CYB5D1: variants seen among roughly 807,000 people sequenced by gnomAD.
The protein encoded by CYB5D1 is cytochrome b5 domain containing 1, also known as cytochrome b5 domain-containing protein 1.
A neutral mutation model predicts 24.3 loss-of-function variants in CYB5D1; 30 were observed. The ratio of observed to expected loss-of-function variants is 1.23; its 90% CI spans 0.92 to 1.67. CYB5D1 has a LOEUF of 1.67. Ranked by LOEUF, CYB5D1 falls within the 40% of genes most tolerant of loss-of-function variation. The pLI is 0.00. For missense variants in CYB5D1, 265 were observed against 296.7 expected, an observed-to-expected ratio of 0.89 and a Z score of 0.79; for synonymous variants, 128 against 123.2, an observed-to-expected ratio of 1.04 and a Z score of -0.26.
In CYB5D1 at chr17:7,858,740, G is replaced by T. The variant is rs749218063; in HGVS notation, c.372G>T (p.Ser124=). ...TTGGGAAGCCCTGGTGGCAGGGGTC[G>T]TATTATGAGGTGGGGCGGCTGTCTG... The part of the protein sequence containing the change: ...NDFGKPWWQG[S]YYEVGRLSAK... Residue 124 remains serine (S), a synonymous_variant, in exon 3 of 4, where the codon TCG becomes TCT. Transcript: ENST00000332439. 1 of 1,603,544 alleles carries T rather than the reference G, an allele frequency of 6.2e-7. No homozygotes were observed. Among genetic ancestry groups the T allele is most frequent in the Admixed American group, 1.7e-5 (1 of 58,334 alleles).
Position 7,861,039 on chromosome 17 carries a change from GCTAA to G in CYB5D1, c.*1432_*1435del, listed in dbSNP as rs2078879473. 6.6e-6 allele frequency: 1 copy of G among 152,162 alleles called. No individual in the cohort carries two copies. The highest frequency in any genetic ancestry group is 2.1e-4 in the South Asian group (1 of 4,830). The allele number at this position is 152,162 out of a possible 1,614,324, so 9.4% of individuals were successfully genotyped here. ...CGACAGGGGTAATGTAAACAGAGAT[GCTAA>G]CTAAGTCAGAAAACTCTCCTGGTGA... On this transcript the variant is annotated 3_prime_UTR_variant, in exon 4 of 4. Coordinates refer to ENST00000332439, the MANE Select transcript of CYB5D1 (RefSeq NM_144607.6).
intron 3 of CYB5D1, 40 bp from the exon 4 acceptor site, chr17:7,859,342 A>G: frequency 6.5e-7 from 1 of 1,539,400 alleles, no homozygotes. Context: ...TGTATACTCC[A>G]TCCAGAATTC....
rs1263949296 is a variant in CYB5D1, at chr17:7,858,186, C to T, written c.52C>T (p.Arg18Cys). 1 of 1,613,918 alleles carries T rather than the reference C, an allele frequency of 6.2e-7. No homozygotes were observed. The highest frequency in any genetic ancestry group is 1.7e-5 in the Admixed American group (1 of 60,018). Residue 18 changes from arginine to cysteine, a missense_variant, in exon 1 of 4, where the codon CGC becomes TGC. Physicochemically the swap from Arg to Cys is radical, Grantham distance 180. Transcript: ENST00000332439. ...AGPDLEYFQR[R>C]YFTPAEVAQH... is the part of the protein sequence containing the mutation. ...GCCAGACTTGGAGTATTTTCAGCGT[C>T]GCTATTTCACGCCGGCGGAGGTGGC... is the stretch of plus-strand genomic sequence containing the variant.
Position 7,858,707 on chromosome 17 carries a change from C to T in CYB5D1, c.339C>T (p.Ala113=). 1 of 1,610,874 alleles carries T rather than the reference C, an allele frequency of 6.2e-7. No individual in the cohort carries two copies. The highest frequency in any genetic ancestry group is 8.5e-7 in the Non-Finnish European group (1 of 1,178,230). Residue 113 remains alanine, a synonymous_variant, in exon 3 of 4, where the codon GCC becomes GCT. Coordinates refer to ENST00000332439, the MANE Select transcript of CYB5D1 (RefSeq NM_144607.6). ...VPPQLPCSDW[A]NDFGKPWWQG... is the part of the protein sequence containing the mutation. ...CTCAGCTGCCCTGTTCGGACTGGGC[C>T]AACGATTTTGGGAAGCCCTGGTGGC...
At chr17:7,858,320 CCGGAGT>C in intron 1 of CYB5D1, 26 bp downstream of exon 1, 4 of 1,613,826 alleles carry the variant, frequency 2.5e-6, no homozygotes, top group East Asian at 2.2e-5. Flanking sequence ...TGGGCCGGGG[CCGGAGT>C]GTGTGTGTGT....
rs1242677604 is a variant in CYB5D1 at position 7,858,263 on chromosome 17, C to A, written c.129C>A (p.Tyr43Ter). 3 of 1,613,880 alleles carry A rather than the reference C, an allele frequency of 1.9e-6. No individual in the cohort carries two copies. The highest frequency in any genetic ancestry group is 1.1e-5 in the South Asian group (1 of 91,094). Residue 43 changes from tyrosine to a stop codon, truncating the protein, a stop_gained, in exon 1 of 4, where the codon TAC becomes TAA. Coordinates refer to ENST00000332439, the MANE Select transcript of CYB5D1 (RefSeq NM_144607.6). LOFTEE classifies it high-confidence loss of function. ...GGGTATCTTACCTGGGACGCGTGTA[C>A]GACCTAACGTCATTGGCACAGGAAT... ...DLWVSYLGRV[Y>*]DLTSLAQEYK...
At chr17:7,858,882 A>G in intron 3 of CYB5D1, 58 bp downstream of exon 3, 1 of 1,434,654 alleles carries the variant, frequency 7.0e-7, no homozygotes, top group Non-Finnish European at 9.3e-7. Context: ...GCAAATCTCC[A>G]GGCCGATCTT....
In CYB5D1 at chr17:7,858,437, A is replaced by T. The variant is rs1348461822; in HGVS notation, c.195A>T (p.Ala65=). 33 of 1,614,098 alleles carry T rather than the reference A, an allele frequency of 2.0e-5. No individual in the cohort carries two copies. The highest frequency in any genetic ancestry group is 2.7e-5 in the Non-Finnish European group (32 of 1,180,052). The change falls in exon 2 of 4, where the codon GCA becomes GCT. Residue 65 remains alanine, a synonymous_variant. Transcript: ENST00000332439. ...NLLLKPIVEV[A]GQDISHWFDP... The stretch of plus-strand genomic sequence containing the variant: ...TGCTGAAACCCATCGTGGAAGTTGC[A>T]GGCCAGGATATCAGCCACTGGTTTG...
At chr17:7,858,861 G>T in intron 3 of CYB5D1, 37 bp downstream of exon 3, 1 of 1,487,758 alleles carries the variant, frequency 6.7e-7, no homozygotes, top group South Asian at 1.4e-5. Context: ...TAGAAGGAAT[G>T]GGGAATCCCA....
At chr17:7,858,529 G>A in intron 2 of CYB5D1, 50 bp downstream of exon 2, 2 of 1,613,796 alleles carry the variant, frequency 1.2e-6, no homozygotes, top group Non-Finnish European at 1.7e-6. Flanking sequence ...TGGAGAGCGG[G>A]GATGGGAAGG....
intron 1 of CYB5D1, 22 bp downstream of exon 1, chr17:7,858,316 G>A: frequency 6.2e-7 from 1 of 1,613,846 alleles, no homozygotes; most frequent in Non-Finnish European, 8.5e-7. Flanking sequence ...ACGTTGGGCC[G>A]GGGCCGGAGT....
At chr17:7,859,141 G>A (rs2078862298) in intron 3 of CYB5D1, 2 of 594,006 alleles carry the variant, frequency 3.4e-6, no homozygotes, top group Non-Finnish European at 3.0e-6. Context: ...CTACTCTGTT[G>A]CATGGATATA....
Position 7,858,783 on chromosome 17 carries a change from C to G in CYB5D1, c.415C>G (p.Arg139Gly), listed in dbSNP as rs766937014. The change falls in exon 3 of 4, where the codon CGC (arginine) becomes GGC (glycine). Residue 139 changes from arginine to glycine, a missense_variant. By Grantham distance (125) the Arg-to-Gly change is moderately radical. Transcript: ENST00000332439. ...GCTGTCTGCCAAGACCCGGAGCATC[C>G]GCATCATTAACACGCTCACGTCGCA... is the stretch of plus-strand genomic sequence containing the variant. ...GRLSAKTRSI[R>G]IINTLTSQEH... 9 of 1,579,392 alleles carry G rather than the reference C, an allele frequency of 5.7e-6. No homozygotes were observed. In the South Asian group the frequency reaches 9.3e-5, roughly 16 times the overall value.
intron 3 of CYB5D1, chr17:7,859,121 T>C (rs2078862162): frequency 3.5e-6 from 2 of 575,788 alleles, no homozygotes; most frequent in African/African-American, 1.9e-5. Flanking sequence ...AATTGGACTT[T>C]CTTTTTAATC....
At position 7,861,017 on chromosome 17, in the gene CYB5D1, CAG is replaced by C. The variant is rs1161673546; in HGVS notation, c.*1406_*1407del. ...GGTGACTCCAAAAGAGGGAGCTCGA[CAG>C]GGGTAATGTAAACAGAGATGCTAAC... On this transcript the variant is annotated 3_prime_UTR_variant, in exon 4 of 4. Coordinates refer to ENST00000332439, the MANE Select transcript of CYB5D1 (RefSeq NM_144607.6). 1 of 152,114 alleles carries C rather than the reference CAG, an allele frequency of 6.6e-6. No individual in the cohort carries two copies. Among genetic ancestry groups the C allele is most frequent in the Non-Finnish European group, 1.5e-5 (1 of 68,018 alleles). 9.4% of individuals were successfully genotyped at this position (152,114 alleles called of 1,614,324 possible).
chr17:7,860,739 A>T lies in CYB5D1; in HGVS notation c.*1127A>T, dbSNP rs1479802533. On this transcript the variant is annotated 3_prime_UTR_variant, in exon 4 of 4. Coordinates refer to ENST00000332439, the MANE Select transcript of CYB5D1 (RefSeq NM_144607.6). ...TTATTGTCTCTGGAAGGGAGTTTGC[A>T]GAGTTCTCCTGTGGCGAAGAGGAGG... 2 of 152,238 alleles carry T rather than the reference A, an allele frequency of 1.3e-5. No individual in the cohort carries two copies. Among genetic ancestry groups the T allele is most frequent in the Non-Finnish European group, 2.9e-5 (2 of 68,058 alleles). The allele number at this position is 152,238 out of a possible 1,614,324, so 9.4% of individuals were successfully genotyped here.
rs778102440 is a variant in CYB5D1, at chr17:7,859,450, C to T, written c.525C>T (p.Ser175=). The change falls in exon 4 of 4, where the codon AGC becomes AGT. Residue 175 remains serine, a synonymous_variant. Coordinates refer to ENST00000332439, the MANE Select transcript of CYB5D1 (RefSeq NM_144607.6). ...TCCCCTATAACTCACATGCTGCCAGCTACACGTGGAAATATGAAGGGAAGA... is the reference window on the plus strand; with the variant it reads ...TCCCCTATAACTCACATGCTGCCAGTTACACGTGGAAATATGAAGGGAAGA... The part of the protein sequence containing the change: ...RYLPYNSHAA[S]YTWKYEGKNL... The T allele has an allele frequency of 1.9e-6, 3 of 1,614,114 alleles. No homozygotes were observed. The highest frequency in any genetic ancestry group is 2.5e-6 in the Non-Finnish European group (3 of 1,180,030).
chr17:7,859,818 T>A lies in CYB5D1; in HGVS notation c.*206T>A. The A allele has an allele frequency of 1.8e-6, 1 of 568,006 alleles. No individual in the cohort carries two copies. Among genetic ancestry groups the A allele is most frequent in the Non-Finnish European group, 3.1e-6 (1 of 317,908 alleles). The allele number at this position is 568,006 out of a possible 1,614,324, so 35.2% of individuals were successfully genotyped here. A position where few individuals can be genotyped will look rare whatever the true frequency, so the allele number is the denominator to read the frequency against. ...TCTGAGAAAATTAGTGAATTAATCT[T>A]TGGGAATGATACAAGAAGATCAAGT... On this transcript the variant is annotated 3_prime_UTR_variant, in exon 4 of 4. Transcript: ENST00000332439.
At position 7,860,850 on chromosome 17, in the gene CYB5D1, T is replaced by C. The variant is rs984487908; in HGVS notation, c.*1238T>C. 16 of 152,224 alleles carry C rather than the reference T, an allele frequency of 1.1e-4. No homozygotes were observed. The highest frequency in any genetic ancestry group is 3.4e-4 in the African/African-American group (14 of 41,522). The allele number at this position is 152,224 out of a possible 1,614,324, so 9.4% of individuals were successfully genotyped here. A position where few individuals can be genotyped will look rare whatever the true frequency, so the allele number is the denominator to read the frequency against. On this transcript the variant is annotated 3_prime_UTR_variant, in exon 4 of 4. Coordinates refer to ENST00000332439, the MANE Select transcript of CYB5D1 (RefSeq NM_144607.6). ...TACCCCAGATTTCTCTCCTGACCTTTTGGGGCAAAGAGGTGGGTATTTACT... is the reference window on the plus strand; with the variant it reads ...TACCCCAGATTTCTCTCCTGACCTTCTGGGGCAAAGAGGTGGGTATTTACT...
Sources: gnomAD v4.1 joint callset for allele counts on GRCh38, gnomAD v4.1.1 for gene constraint, MANE v1.5 for transcripts, NCBI Gene and HGNC (gene_info 2026-07-23, HGNC 2026-07-21) for gene names.